Variants in GRIA1 observed in about 807,000 individuals in gnomAD.
GRIA1 encodes glutamate ionotropic receptor AMPA type subunit 1, also known as glutamate receptor 1.
A neutral mutation model predicts 99.2 loss-of-function variants in GRIA1; 31 were observed. The observed-to-expected ratio is 0.31, with a 90% CI of 0.23 to 0.42. GRIA1 has a LOEUF of 0.42. GRIA1 is among the 10% of genes least tolerant of loss of function. GRIA1 has a pLI of 1.00. For synonymous variants in GRIA1, 438 were observed against 432.4 expected (o/e 1.01, Z -0.16); for missense variants, 782 against 1,157.5 (o/e 0.68, Z 4.71).
At chr5:153,578,785 G>A (rs1762795736) in intron 2 of GRIA1, among the ~76,000 whole-genome samples, 1 of 152,126 alleles carries the variant, frequency 6.6e-6, no homozygotes, top group South Asian at 2.1e-4. Flanking sequence ...GCGTGCACCT[G>A]TAGTCCTAGC....
At chr5:153,600,391 CAAAAAA>C (rs57395601) in intron 2 of GRIA1, among the ~76,000 whole-genome samples, 3 of 51,502 alleles carry the variant, frequency 5.8e-5, no homozygotes, top group African/African-American at 9.0e-5. Flanking sequence ...GACTCCATCT[CAAAAAA>C]AAAAAAAAAA....
At chr5:153,532,643 A>T (rs1386436605) in intron 2 of GRIA1, among the ~76,000 whole-genome samples, 1 of 152,146 alleles carries the variant, frequency 6.6e-6, no homozygotes, top group African/African-American at 2.4e-5. Flanking sequence ...TGCTTTTGTG[A>T]CACCCACCAG....
chr5:153,742,773 C>G (rs1761898409), intron 11 of GRIA1, among the ~76,000 whole-genome samples: 1 of 152,226 alleles, frequency 6.6e-6, no homozygotes, highest in African/African-American at 2.4e-5. Flanking sequence ...CTTCTTCTGT[C>G]TTACTCCTTG....
chr5:153,798,599 C>T (rs1765793507), intron 14 of GRIA1, among the ~76,000 whole-genome samples: 1 of 152,194 alleles, frequency 6.6e-6, no homozygotes, highest in South Asian at 2.1e-4. Context: ...GAAGCTTGGC[C>T]TGAAGTTAGC....
chr5:153,553,352 A>G (rs1397046504), intron 2 of GRIA1, among the ~76,000 whole-genome samples: 1 of 152,240 alleles, frequency 6.6e-6, no homozygotes, highest in Non-Finnish European at 1.5e-5. Flanking sequence ...AGAGTGAAAG[A>G]CTGAGGCAGG....
At chr5:153,705,048 G>C (rs1159625681) in intron 10 of GRIA1, among the ~76,000 whole-genome samples, 1 of 152,168 alleles carries the variant, frequency 6.6e-6, no homozygotes, top group East Asian at 1.9e-4. Flanking sequence ...AACTGACTTA[G>C]GCAAACTGAC....
chr5:153,780,182 T>C (rs541123152), intron 13 of GRIA1, among the ~76,000 whole-genome samples: 13 of 152,244 alleles, frequency 8.5e-5, no homozygotes, highest in Non-Finnish European at 1.8e-4. Context: ...GCTAGGTCTT[T>C]TGCGTTTTCT....
chr5:153,590,603 G>A (rs528561297), intron 2 of GRIA1, among the ~76,000 whole-genome samples: 1 of 150,766 alleles, frequency 6.6e-6, no homozygotes, highest in East Asian at 2.0e-4. Flanking sequence ...TTTTCCTACA[G>A]GACTACTTCT....
chr5:153,530,134 A>C (rs1363679631), intron 2 of GRIA1, among the ~76,000 whole-genome samples: 3 of 152,174 alleles, frequency 2.0e-5, no homozygotes, highest in Admixed American at 2.0e-4. Context: ...ATTCTTACAG[A>C]AGTTCTGGTA....
intron 2 of GRIA1, among the ~76,000 whole-genome samples, chr5:153,619,856 G>A (rs929241477): frequency 6.6e-6 from 1 of 152,108 alleles, no homozygotes; most frequent in East Asian, 1.9e-4. Context: ...CTCAAGTGTT[G>A]TTGCTGCCTC....
At chr5:153,652,720 G>A (rs1337036536) in intron 4 of GRIA1, among the ~76,000 whole-genome samples, 1 of 152,180 alleles carries the variant, frequency 6.6e-6, no homozygotes, top group Non-Finnish European at 1.5e-5. Flanking sequence ...TAAGACCAAA[G>A]AGTTGAAAGG....
chr5:153,710,886 A>G (rs1040816689), intron 11 of GRIA1, among the ~76,000 whole-genome samples: 1 of 152,242 alleles, frequency 6.6e-6, no homozygotes, highest in African/African-American at 2.4e-5. Flanking sequence ...TAGATAATAC[A>G]AGAAGTGGAA....
chr5:153,683,124 A>G (rs902867257), intron 7 of GRIA1, among the ~76,000 whole-genome samples: 1 of 152,212 alleles, frequency 6.6e-6, no homozygotes, highest in Non-Finnish European at 1.5e-5. Flanking sequence ...ATAAGTGCCC[A>G]GATCCCAGAG....
chr5:153,750,528 G>A (rs1279641166), intron 11 of GRIA1, among the ~76,000 whole-genome samples: 1 of 151,990 alleles, frequency 6.6e-6, no homozygotes, highest in Non-Finnish European at 1.5e-5. Context: ...GTCCTAGAGG[G>A]GAGGCTGCTG....
At chr5:153,716,295 C>T (rs983434183) in intron 11 of GRIA1, among the ~76,000 whole-genome samples, 2 of 152,314 alleles carry the variant, frequency 1.3e-5, no homozygotes, top group Admixed American at 1.3e-4. Flanking sequence ...AGATTATAAC[C>T]TGTGTCAGTC....
At chr5:153,552,853 T>C (rs1760275731) in intron 2 of GRIA1, among the ~76,000 whole-genome samples, 1 of 152,214 alleles carries the variant, frequency 6.6e-6, no homozygotes, top group Non-Finnish European at 1.5e-5. Flanking sequence ...TTCAAAGAGA[T>C]GTCAAAATGA....
intron 15 of GRIA1, 137 bp downstream of exon 15, chr5:153,802,627 C>T (rs949330152): frequency 8.0e-6 from 7 of 870,128 alleles, no homozygotes; most frequent in Admixed American, 2.0e-5. Context: ...GAAGCTGTTA[C>T]GAGGAAGGTG....
At chr5:153,503,859 C>A (rs1243288354) in intron 2 of GRIA1, among the ~76,000 whole-genome samples, 3 of 152,188 alleles carry the variant, frequency 2.0e-5, no homozygotes, top group Non-Finnish European at 2.9e-5. Flanking sequence ...TAGCCAAATT[C>A]AAGGGCTTGA....
Position 153,753,964 on chromosome 5 carries a change from G to A in GRIA1, c.1824-10470G>A, listed in dbSNP as rs985161281. On this transcript the variant is annotated intron_variant, in intron 11 of 15. Transcript: ENST00000285900. ...AGTTTAATTCCAGCAGCTTGTATCA[G>A]TTAAAGGAAAGAAATGGACTGAGTC... is the stretch of plus-strand genomic sequence containing the variant. 2.0e-5 allele frequency among the ~76,000 whole-genome samples: 3 copies of A among 152,322 alleles called. No individual in the cohort carries two copies. In the East Asian group the frequency reaches 5.8e-4, roughly 29 times the overall value.
Sources: gnomAD v4.1 joint callset for allele counts (sites outside exome capture counted in the v4.1 genomes callset) on GRCh38, gnomAD v4.1.1 for gene constraint, MANE v1.5 for transcripts, NCBI Gene and HGNC (gene_info 2026-07-23, HGNC 2026-07-21) for gene names.